The following ZNF324B variants were observed in gnomAD, a reference collection of about 807,000 sequenced individuals.
ZNF324B encodes the protein zinc finger protein 324B.
Under a neutral mutation model 10.6 loss-of-function variants are expected in ZNF324B, and 7 were observed. The observed-to-expected ratio is 0.66, with a 90% CI of 0.38 to 1.24. The LOEUF (loss-of-function observed/expected upper bound fraction) is 1.24, where lower values mean the gene tolerates loss of function less well. Ranked by LOEUF, ZNF324B falls within the 50% of genes most tolerant of loss-of-function variation. The pLI, the probability that ZNF324B is intolerant of heterozygous loss-of-function variation, is 0.02. For missense variants in ZNF324B, 640 were observed against 764.7 expected, an observed-to-expected ratio of 0.84 and a Z score of 1.92; for synonymous variants, 316 against 321.0, an observed-to-expected ratio of 0.98 and a Z score of 0.17.
chr19:58,450,964 G>A (rs908667676), upstream of ZNF324B, among the ~76,000 whole-genome samples: 1 of 152,224 alleles, frequency 6.6e-6, no homozygotes, highest in Non-Finnish European at 1.5e-5. Context: ...GACAAGCAAG[G>A]CTGGGGAATT....
the ZNF324B span, among the ~76,000 whole-genome samples, chr19:58,428,383 AT>A: frequency 6.6e-6 from 1 of 152,194 alleles, no homozygotes; most frequent in Non-Finnish European, 1.5e-5. Context: ...AAATCTGAAT[AT>A]TTGGCTCTTC....
In ZNF324B at chr19:58,453,777, T is replaced by G; in HGVS notation, c.76T>G (p.Tyr26Asp). ...GLLDTAQRAL[Y>D]RHVMLENFTL... ...CCTGGACACAGCGCAGAGGGCCCTG[T>G]ACCGCCACGTGATGCTGGAAAACTT... The change falls in exon 2 of 4, where the codon TAC (tyrosine) becomes GAC (aspartate). Residue 26 changes from tyrosine to aspartate, a missense_variant. By Grantham distance (160) the Tyr-to-Asp change is radical. Transcript: ENST00000336614. The G allele has an allele frequency of 6.2e-7, 1 of 1,614,198 alleles. No homozygotes were observed. Among genetic ancestry groups the G allele is most frequent in the Non-Finnish European group, 8.5e-7 (1 of 1,180,026 alleles).
the ZNF324B span, among the ~76,000 whole-genome samples, chr19:58,438,315 CAT>C: frequency 7.9e-5 from 12 of 152,168 alleles, no homozygotes; most frequent in Non-Finnish European, 1.5e-4. Context: ...CTAAACCCGA[CAT>C]AATTTCATAA....
At chr19:58,451,790 G>A (rs1372822600) in intron 1 of ZNF324B, 86 bp downstream of exon 1, 1 of 311,236 alleles carries the variant, frequency 3.2e-6, no homozygotes, top group Non-Finnish European at 6.2e-6. Flanking sequence ...TCGGGCCCCG[G>A]CGGGAACCAC....
At chr19:58,445,659 A>G in the ZNF324B span, 2 of 353,738 alleles carry the variant, frequency 5.7e-6, no homozygotes, top group Non-Finnish European at 1.1e-5. Context: ...TACAAAAAAT[A>G]CAAAAATCAG....
At chr19:58,453,332 C>G (rs986180325) in intron 1 of ZNF324B, 7 of 333,790 alleles carry the variant, frequency 2.1e-5, no homozygotes, top group Non-Finnish European at 4.0e-5. Flanking sequence ...GGGACTTACA[C>G]CCTTGCTTAT....
the ZNF324B span, chr19:58,434,771 GC>G: frequency 6.2e-7 from 1 of 1,614,202 alleles, no homozygotes. Context: ...TCTGGAAGCT[GC>G]CCAAGATTGG....
chr19:58,439,503 A>G, the ZNF324B span, among the ~76,000 whole-genome samples: 1 of 152,196 alleles, frequency 6.6e-6, no homozygotes, highest in East Asian at 1.9e-4. Context: ...CAAGGTACAC[A>G]TGCTGGTCAC....
chr19:58,436,683 A>G, the ZNF324B span, among the ~76,000 whole-genome samples: 1 of 151,006 alleles, frequency 6.6e-6, no homozygotes, highest in Non-Finnish European at 1.5e-5. Context: ...AAAAAAAAAA[A>G]AAAAAAAAAG....
At chr19:58,451,016 C>A (rs118094735), upstream of ZNF324B, among the ~76,000 whole-genome samples, 49 of 152,274 alleles carry the variant, frequency 3.2e-4, no homozygotes, top group East Asian at 9.1e-3. Flanking sequence ...AAGTTTTGGG[C>A]GAGCGTCCAA....
chr19:58,427,429 TCC>T, the ZNF324B span, among the ~76,000 whole-genome samples: 1 of 31,530 alleles, frequency 3.2e-5, no homozygotes, highest in African/African-American at 1.8e-4. Flanking sequence ...CTTCCTTCCT[TCC>T]TTCCTTCCTT....
At chr19:58,427,399 TTTCTTTCCTTCCTTCCTTCC>T in the ZNF324B span, among the ~76,000 whole-genome samples, 4 of 51,974 alleles carry the variant, frequency 7.7e-5, no homozygotes, top group Admixed American at 4.2e-4. Flanking sequence ...TCTTTCTTTC[TTTCTTTCCTTCCTTCCTTCC>T]TTCCTTCCTT....
the ZNF324B span, among the ~76,000 whole-genome samples, chr19:58,426,362 C>A: frequency 3.3e-5 from 5 of 152,150 alleles, no homozygotes; most frequent in Non-Finnish European, 5.9e-5. Flanking sequence ...TTCCCACTGT[C>A]GGTGTAAAGG....
At chr19:58,443,345 C>T in the ZNF324B span, 1 of 152,282 alleles carries the variant, frequency 6.6e-6, no homozygotes, top group Non-Finnish European at 1.5e-5. Flanking sequence ...AGAAAAGTTC[C>T]CCAAGTCCCC....
upstream of ZNF324B, among the ~76,000 whole-genome samples, chr19:58,449,197 T>C (rs1250323331): frequency 6.6e-6 from 1 of 152,222 alleles, no homozygotes; most frequent in East Asian, 1.9e-4. Flanking sequence ...CCATGTGGTG[T>C]TGAGCCTGTG....
In ZNF324B at chr19:58,453,742, A is replaced by C; in HGVS notation, c.41A>C (p.Glu14Ala). The change falls in exon 2 of 4, where the codon GAG becomes GCG. Residue 14 changes from glutamate to alanine, a missense_variant. Coordinates refer to ENST00000336614, the MANE Select transcript of ZNF324B (RefSeq NM_207395.3). ...EDVAVYFSQEEWGLLDTAQRA... is the reference protein window; with the variant it reads ...EDVAVYFSQEAWGLLDTAQRA... ...GTGGCCGTGTACTTCTCCCAGGAGG[A>C]GTGGGGGCTCCTGGACACAGCGCAG... 6.2e-7 allele frequency: 1 copy of C among 1,614,064 alleles called. No individual in the cohort carries two copies.
chr19:58,438,773 A>C, the ZNF324B span, among the ~76,000 whole-genome samples: 1 of 106,470 alleles, frequency 9.4e-6, no homozygotes, highest in African/African-American at 3.6e-5. Flanking sequence ...ACGCCCGGCA[A>C]TTTTTTTTTT....
At chr19:58,430,021 G>A in the ZNF324B span, 1 of 152,182 alleles carries the variant, frequency 6.6e-6, no homozygotes. Flanking sequence ...AAAGATGATG[G>A]GATCTCACTT....
the ZNF324B span, among the ~76,000 whole-genome samples, chr19:58,438,421 C>T: frequency 6.6e-6 from 1 of 152,084 alleles, no homozygotes; most frequent in South Asian, 2.1e-4. Context: ...TTATCTTCCC[C>T]CTGAAATCTA....
Sources: gnomAD v4.1 joint callset for allele counts (sites outside exome capture counted in the v4.1 genomes callset) on GRCh38, gnomAD v4.1.1 for gene constraint, MANE v1.5 for transcripts, NCBI Gene and HGNC (gene_info 2026-07-23, HGNC 2026-07-21) for gene names.